GRID2: variants seen among roughly 807,000 people sequenced by gnomAD.
The protein encoded by GRID2 is glutamate ionotropic receptor delta type subunit 2, also known as glutamate receptor ionotropic, delta-2.
GRID2 carries 33 observed loss-of-function variants against 114.8 expected under a neutral mutation model. The observed-to-expected ratio is 0.29, with a 90% confidence interval of 0.22 to 0.38. The LOEUF (loss-of-function observed/expected upper bound fraction) is 0.38, where lower values mean the gene tolerates loss of function less well. Among genes scored for constraint, GRID2 ranks in the 10% least tolerant of loss-of-function variants. GRID2 has a pLI of 1.00. For missense variants in GRID2, 1,184 were observed against 1,257.7 expected, an observed-to-expected ratio of 0.94 and a Z score of 0.89; for synonymous variants, 505 against 449.9, an observed-to-expected ratio of 1.12 and a Z score of -1.55.
In GRID2 at chr4:92,655,099, T is replaced by C. The variant is rs533248474; in HGVS notation, c.244+64813T>C. Among the ~76,000 whole-genome samples, 3 of 152,172 alleles carry C rather than the reference T, an allele frequency of 2.0e-5. No homozygotes were observed. In the East Asian group the frequency reaches 5.8e-4, roughly 29 times the overall value. Reference sequence around the variant, plus strand: ...GAGAAATAGGGGTCCAGTCTCATTCTTCTGCATGTGGTTATGCAGTTTTCC... The same window carrying C: ...GAGAAATAGGGGTCCAGTCTCATTCCTCTGCATGTGGTTATGCAGTTTTCC... On this transcript the variant is annotated intron_variant, in intron 2 of 15. Coordinates refer to ENST00000282020, the MANE Select transcript of GRID2 (RefSeq NM_001510.4).
At chr4:93,116,432 A>T (rs1579034529) in intron 4 of GRID2, among the ~76,000 whole-genome samples, 1 of 152,324 alleles carries the variant, frequency 6.6e-6, no homozygotes, top group South Asian at 2.1e-4. Flanking sequence ...ACAAAGTATT[A>T]AGATATGATT....
chr4:92,811,417 A>G (rs1192269544), intron 2 of GRID2, among the ~76,000 whole-genome samples: 1 of 151,840 alleles, frequency 6.6e-6, no homozygotes, highest in Non-Finnish European at 1.5e-5. Flanking sequence ...TTTCTTTTGT[A>G]TTTTGTCTGT....
At chr4:92,898,840 T>C (rs539909290) in intron 2 of GRID2, among the ~76,000 whole-genome samples, 1 of 152,270 alleles carries the variant, frequency 6.6e-6, no homozygotes, top group South Asian at 2.1e-4. Context: ...TCGAAAGCAG[T>C]TTTCCCATTA....
At chr4:93,363,301 T>C (rs908400816) in intron 8 of GRID2, among the ~76,000 whole-genome samples, 1 of 152,172 alleles carries the variant, frequency 6.6e-6, no homozygotes, top group Non-Finnish European at 1.5e-5. Flanking sequence ...TCAGTACACA[T>C]GTGCCTCTTT....
At chr4:92,830,150 G>A (rs17019917) in intron 2 of GRID2, among the ~76,000 whole-genome samples, 2,852 of 150,614 alleles carry the variant, frequency 0.019, 77 homozygotes, top group African/African-American at 0.066. Context: ...AGCAATCCTG[G>A]GACTCATAAA....
At chr4:93,702,777 G>A (rs1727623932) in intron 14 of GRID2, among the ~76,000 whole-genome samples, 2 of 152,018 alleles carry the variant, frequency 1.3e-5, no homozygotes, top group South Asian at 4.2e-4. Flanking sequence ...GTTCTAGAAG[G>A]GGATGTATAG....
intron 5 of GRID2, among the ~76,000 whole-genome samples, chr4:93,208,840 C>G (rs1234186085): frequency 6.6e-6 from 1 of 151,902 alleles, no homozygotes; most frequent in Admixed American, 6.6e-5. Context: ...CAATAAAGTT[C>G]TGGTACCTTC....
At chr4:93,272,021 G>T (rs1751519195) in intron 8 of GRID2, among the ~76,000 whole-genome samples, 1 of 152,146 alleles carries the variant, frequency 6.6e-6, no homozygotes, top group African/African-American at 2.4e-5. Flanking sequence ...TATATGTGTT[G>T]AAGTAGGTTT....
At chr4:92,886,059 G>A (rs1746346729) in intron 2 of GRID2, among the ~76,000 whole-genome samples, 1 of 151,934 alleles carries the variant, frequency 6.6e-6, no homozygotes. Context: ...TTTAATAAAT[G>A]TGGACTTGCA....
At chr4:93,130,970 G>C (rs1734742304) in intron 4 of GRID2, among the ~76,000 whole-genome samples, 1 of 151,934 alleles carries the variant, frequency 6.6e-6, no homozygotes, top group Non-Finnish European at 1.5e-5. Context: ...TTCTATGAGA[G>C]TGTCTCACAT....
At chr4:93,411,940 T>G (rs62307828) in intron 9 of GRID2, among the ~76,000 whole-genome samples, 1 of 148,658 alleles carries the variant, frequency 6.7e-6, no homozygotes, top group Non-Finnish European at 1.5e-5. Flanking sequence ...AATCTCTCTA[T>G]TAAAAAAAAA....
chr4:92,578,389 A>T (rs565978393), intron 1 of GRID2, among the ~76,000 whole-genome samples: 32 of 149,302 alleles, frequency 2.1e-4, no homozygotes, highest in African/African-American at 7.2e-4. Context: ...TGTCCTTGCG[A>T]TAGTTTACTG....
chr4:92,612,574 T>G (rs1240968696), intron 2 of GRID2, among the ~76,000 whole-genome samples: 2 of 151,462 alleles, frequency 1.3e-5, no homozygotes, highest in Non-Finnish European at 3.0e-5. Context: ...AGTATTTCAA[T>G]TTATGAATTT....
chr4:93,349,352 C>A (rs370451421), intron 8 of GRID2, among the ~76,000 whole-genome samples: 1 of 152,028 alleles, frequency 6.6e-6, no homozygotes, highest in Non-Finnish European at 1.5e-5. Flanking sequence ...AGAGGTAACA[C>A]AACTGCATAC....
intron 1 of GRID2, among the ~76,000 whole-genome samples, chr4:92,483,638 A>C (rs1722721793): frequency 2.0e-5 from 3 of 152,168 alleles, no homozygotes; most frequent in African/African-American, 7.2e-5. Flanking sequence ...GTGATTACCA[A>C]GCTGGGTCAG....
chr4:92,842,169 C>G (rs916600940), intron 2 of GRID2, among the ~76,000 whole-genome samples: 1 of 152,096 alleles, frequency 6.6e-6, no homozygotes, highest in African/African-American at 2.4e-5. Context: ...GATCATTAAA[C>G]AGCATGCATT....
intron 13 of GRID2, among the ~76,000 whole-genome samples, chr4:93,564,770 G>A (rs1258883885): frequency 6.6e-6 from 1 of 151,828 alleles, no homozygotes; most frequent in Non-Finnish European, 1.5e-5. Flanking sequence ...AATAAAAGCA[G>A]GGAGAGAAAG....
intron 3 of GRID2, among the ~76,000 whole-genome samples, chr4:93,099,778 T>C (rs1370754576): frequency 6.6e-6 from 1 of 151,940 alleles, no homozygotes; most frequent in Non-Finnish European, 1.5e-5. Flanking sequence ...TTAATTGCCA[T>C]GTGTTCTTTT....
At chr4:93,625,639 G>C (rs1037927348) in intron 13 of GRID2, among the ~76,000 whole-genome samples, 36 of 152,222 alleles carry the variant, frequency 2.4e-4, no homozygotes, top group African/African-American at 8.4e-4. Flanking sequence ...CAGTGGGCCG[G>C]GCGCGGTGGC....
Sources: gnomAD v4.1 joint callset for allele counts (sites outside exome capture counted in the v4.1 genomes callset) on GRCh38, gnomAD v4.1.1 for gene constraint, MANE v1.5 for transcripts, NCBI Gene and HGNC (gene_info 2026-07-23, HGNC 2026-07-21) for gene names.